BCAR3: variants seen among roughly 807,000 people sequenced by gnomAD.
The protein encoded by BCAR3 is BCAR3 adaptor protein, NSP family member, also known as breast cancer anti-estrogen resistance protein 3.
In BCAR3, 37 loss-of-function variants were observed where a neutral mutation model predicts 80.1. That is an observed-to-expected ratio of 0.46 (90% CI 0.36 to 0.61). BCAR3 has a LOEUF of 0.61. BCAR3 is among the 20% of genes least tolerant of loss of function. The probability of loss-of-function intolerance (pLI) is 0.00; values close to 1 mark genes in which losing one functional copy is unlikely to be tolerated. For missense variants in BCAR3, 978 were observed against 1,068.2 expected, an observed-to-expected ratio of 0.92 and a Z score of 1.18; for synonymous variants, 389 against 418.9, an observed-to-expected ratio of 0.93 and a Z score of 0.87.
chr1:93,681,453 G>A (rs1291254561), intron 1 of BCAR3, 145 bp downstream of exon 1: 3 of 152,262 alleles, frequency 2.0e-5, no homozygotes, highest in Admixed American at 2.0e-4. Flanking sequence ...GGGTGGGTAG[G>A]GACCAACAAA....
intron 2 of BCAR3, chr1:93,646,680 G>A (rs1298994335): frequency 6.6e-6 from 1 of 151,938 alleles, no homozygotes; most frequent in Non-Finnish European, 1.5e-5. Flanking sequence ...TTTGCCATGA[G>A]GGTTATCAAC....
intron 3 of BCAR3, among the ~76,000 whole-genome samples, chr1:93,617,095 C>A (rs996732319): frequency 6.6e-6 from 1 of 152,232 alleles, no homozygotes; most frequent in African/African-American, 2.4e-5. Flanking sequence ...CTAATACTAA[C>A]CTGCCCTATT....
intron 3 of BCAR3, among the ~76,000 whole-genome samples, chr1:93,593,884 T>C (rs1570946696): frequency 6.6e-6 from 1 of 152,234 alleles, no homozygotes; most frequent in East Asian, 1.9e-4. Context: ...TACTATTTGT[T>C]TACTTCTCCC....
chr1:93,710,631 T>C (rs564542873), intron 2 of BCAR3, among the ~76,000 whole-genome samples: 10 of 152,302 alleles, frequency 6.6e-5, no homozygotes, highest in Non-Finnish European at 1.0e-4. Context: ...TCCTGTCGCA[T>C]TGGTCTTCTT....
intron 2 of BCAR3, among the ~76,000 whole-genome samples, chr1:93,810,348 A>G (rs1653793172): frequency 6.6e-6 from 1 of 152,142 alleles, no homozygotes. Flanking sequence ...GACTTTTTTG[A>G]CAACTAGCCC....
At chr1:93,741,853 G>A (rs376316603) in intron 2 of BCAR3, among the ~76,000 whole-genome samples, 1 of 152,190 alleles carries the variant, frequency 6.6e-6, no homozygotes, top group Non-Finnish European at 1.5e-5. Flanking sequence ...TTATAGGCAT[G>A]AGCCATCACT....
chr1:93,566,010 A>G (rs1315738633), intron 11 of BCAR3, among the ~76,000 whole-genome samples: 2 of 152,114 alleles, frequency 1.3e-5, no homozygotes, highest in Admixed American at 6.5e-5. Context: ...CTTCCTCCAC[A>G]CAGACACCAG....
In BCAR3 at chr1:93,728,519, T is replaced by A. The variant is rs190072219; in HGVS notation, c.-62-22377A>T. On this transcript the variant is annotated intron_variant, in intron 2 of 13. Transcript: ENST00000370244. ...GCCTTGGTGTACCAGAAGAATTGGA[T>A]CACGCGTGGACTTGGAGAATGAGTG... Among the ~76,000 whole-genome samples, 5 of 152,314 alleles carry A rather than the reference T, an allele frequency of 3.3e-5. No homozygotes were observed. The East Asian group carries it at 9.7e-4, about 29-fold the overall frequency.
At chr1:93,704,193 C>A (rs1649749612) in intron 3 of BCAR3, among the ~76,000 whole-genome samples, 1 of 152,076 alleles carries the variant, frequency 6.6e-6, no homozygotes, top group Non-Finnish European at 1.5e-5. Context: ...TGAGAAGAAA[C>A]CAGCAGCTCA....
chr1:93,709,218 A>T (rs1480508345), intron 2 of BCAR3, among the ~76,000 whole-genome samples: 1 of 152,190 alleles, frequency 6.6e-6, no homozygotes, highest in Non-Finnish European at 1.5e-5. Flanking sequence ...CGTGCTCATG[A>T]CTGCTCAGGC....
intron 11 of BCAR3, among the ~76,000 whole-genome samples, chr1:93,564,404 G>A (rs1036991952): frequency 4.0e-5 from 6 of 148,498 alleles, no homozygotes; most frequent in Non-Finnish European, 8.9e-5. Flanking sequence ...TCAGCCTCCC[G>A]AGTAGCTGAG....
At chr1:93,581,978 G>A (rs1029410927) in intron 7 of BCAR3, among the ~76,000 whole-genome samples, 1 of 152,184 alleles carries the variant, frequency 6.6e-6, no homozygotes, top group African/African-American at 2.4e-5. Context: ...TGTTGCAGCT[G>A]CTGATGCCAG....
chr1:93,704,612 T>G (rs1352573326), intron 3 of BCAR3, among the ~76,000 whole-genome samples: 3 of 152,126 alleles, frequency 2.0e-5, no homozygotes, highest in Non-Finnish European at 4.4e-5. Flanking sequence ...GAATGCCCTG[T>G]GAGGAGTGTG....
At position 93,582,338 on chromosome 1, in the gene BCAR3, T is replaced by C. The variant is rs772883889; in HGVS notation, c.1649A>G (p.Lys550Arg). The change falls in exon 7 of 12, where the codon AAG becomes AGG. Residue 550 changes from lysine (K) to arginine (R), a missense_variant. Coordinates refer to ENST00000260502, the MANE Select transcript of BCAR3 (RefSeq NM_003567.4). ...GCTCAGTACGTGCTGGGCGATGACC[T>C]TGGGGTCGTTGTTGGTGAACAGTTC... ...AKELFTNNDP[K>R]VIAQHVLSMD... 1 of 1,614,178 alleles carries C rather than the reference T, an allele frequency of 6.2e-7. No homozygotes were observed. Among genetic ancestry groups the C allele is most frequent in the South Asian group, 1.1e-5 (1 of 91,090 alleles).
chr1:93,701,724 A>T (rs973536175), intron 3 of BCAR3, among the ~76,000 whole-genome samples: 1 of 152,110 alleles, frequency 6.6e-6, no homozygotes, highest in African/African-American at 2.4e-5. Flanking sequence ...TCCAAGGATG[A>T]TTCTGTCTCC....
At chr1:93,615,635 G>A (rs144323811) in intron 3 of BCAR3, among the ~76,000 whole-genome samples, 299 of 152,274 alleles carry the variant, frequency 2.0e-3, no homozygotes, top group East Asian at 6.4e-3. Flanking sequence ...TCTGGTCAGT[G>A]GGTCCCCACT....
chr1:93,802,675 G>T (rs1044851911), intron 2 of BCAR3, among the ~76,000 whole-genome samples: 1 of 152,166 alleles, frequency 6.6e-6, no homozygotes, highest in Non-Finnish European at 1.5e-5. Flanking sequence ...AGAATAAAAG[G>T]GTTCTGGAGG....
intron 2 of BCAR3, among the ~76,000 whole-genome samples, chr1:93,648,995 AG>A (rs1312370740): frequency 1.3e-5 from 2 of 152,214 alleles, no homozygotes; most frequent in Non-Finnish European, 2.9e-5. Flanking sequence ...TTTAGAGGGC[AG>A]GGAACTCTTC....
intron 2 of BCAR3, among the ~76,000 whole-genome samples, chr1:93,671,848 T>C (rs995918943): frequency 6.6e-6 from 1 of 152,186 alleles, no homozygotes; most frequent in African/African-American, 2.4e-5. Flanking sequence ...TAAGGTATTT[T>C]GTACTCCTCA....
Sources: allele counts gnomAD v4.1 joint callset (sites outside exome capture counted in the v4.1 genomes callset), GRCh38; gene constraint gnomAD v4.1.1; transcripts MANE v1.5; gene names NCBI Gene and HGNC (gene_info 2026-07-23, HGNC 2026-07-21).